Variants in MAGT1 observed in about 807,000 individuals in gnomAD.
MAGT1 encodes the protein magnesium transporter 1.
MAGT1 carries 4 observed loss-of-function variants against 28.4 expected under a neutral mutation model. The ratio of observed to expected loss-of-function variants is 0.14; its 90% CI spans 0.07 to 0.32. The LOEUF (loss-of-function observed/expected upper bound fraction) is 0.32. Ranked by LOEUF, MAGT1 falls within the 10% of genes least tolerant of loss-of-function variation. The probability of loss-of-function intolerance (pLI) is 1.00; values close to 1 mark genes in which losing one functional copy is unlikely to be tolerated. For synonymous variants in MAGT1, 89 were observed against 89.7 expected, an observed-to-expected ratio of 0.99 and a Z score of 0.04; for missense variants, 193 against 264.5, an observed-to-expected ratio of 0.73 and a Z score of 1.88.
Position 77,853,912 on chromosome X carries a change from A to G in MAGT1, c.815T>C (p.Val272Ala). 8.3e-7 allele frequency: 1 copy of G among 1,204,922 alleles called. No individual in the cohort carries two copies. Among genetic ancestry groups the G allele is most frequent in the Non-Finnish European group, 1.1e-6 (1 of 889,051 alleles). ...TTGTAAAAGGATACTAAACAGAAGA[A>G]CAATGTGTGTTTCAGCTACAAACTG... is the stretch of plus-strand genomic sequence containing the variant. Reference protein sequence around the residue: ...QAQFVAETHIVLLFNGGVTLG... With the variant: ...QAQFVAETHIALLFNGGVTLG... The change falls in exon 7 of 10, where the codon GTT (valine) becomes GCT (alanine). Residue 272 changes from valine (V) to alanine (A), a missense_variant. Val to Ala is a moderately conservative substitution (Grantham distance 64, BLOSUM62 0). Coordinates refer to ENST00000618282, the MANE Select transcript of MAGT1 (RefSeq NM_001367916.1).
intron 2 of MAGT1, among the ~76,000 whole-genome samples, chrX:77,873,934 G>A (rs1557217525): frequency 9.1e-6 from 1 of 109,952 alleles, no homozygotes; most frequent in African/African-American, 3.3e-5. Context: ...ATTCTACTCT[G>A]CTTCTAGGAG....
At position 77,826,777 on chromosome X, in the gene MAGT1, C is replaced by G. The variant is rs1557212955; in HGVS notation, c.*2443G>C. 1 of 112,081 alleles carries G rather than the reference C, an allele frequency of 8.9e-6. No individual in the cohort carries two copies. The highest frequency in any genetic ancestry group is 3.7e-4 in the South Asian group (1 of 2,734). The allele number at this position is 112,081 out of a possible 1,213,427, so 9.2% of individuals were successfully genotyped here. A position where few individuals can be genotyped will look rare whatever the true frequency, so the allele number is the denominator to read the frequency against. On this transcript the variant is annotated 3_prime_UTR_variant, in exon 10 of 10. Transcript: ENST00000618282. ...CTGTACAAATCAGGGCATCTTCATA[C>G]AAGTCTCATAAGAACCACAGCATAG...
At chrX:77,874,390 G>A (rs1291836530) in intron 2 of MAGT1, among the ~76,000 whole-genome samples, 1 of 106,997 alleles carries the variant, frequency 9.3e-6, no homozygotes, top group Non-Finnish European at 1.9e-5. Context: ...GATGTCAAAA[G>A]ATCGAGTCCA....
intron 5 of MAGT1, chrX:77,856,468 GAAC>G: frequency 3.8e-6 from 1 of 266,425 alleles, no homozygotes. Context: ...AATATTTTCA[GAAC>G]AACTAGAGAT....
rs1222026237 is a variant in MAGT1 at position 77,876,132 on chromosome X, TTATATATATATA to T, written c.103-547_103-536del. On this transcript the variant is annotated intron_variant, in intron 1 of 9. Transcript: ENST00000618282. Reference sequence around the variant, plus strand: ...AGGCATGAGCCACCACACCTGGCCTTTATATATATATATATATATATATATATATATATTTTT... The same window carrying T: ...AGGCATGAGCCACCACACCTGGCCTTTATATATATATATATATATATTTTT... 3.8e-3 allele frequency among the ~76,000 whole-genome samples: 129 copies of T among 34,049 alleles called. 2 individuals carry two copies. Among genetic ancestry groups the T allele is most frequent in the African/African-American group, 7.6e-3 (48 of 6,345 alleles). The allele number at this position is 34,049 out of a possible 115,157, so 29.6% of individuals were successfully genotyped here.
chrX:77,886,187 A>T (rs782740383), intron 1 of MAGT1, among the ~76,000 whole-genome samples: 27 of 111,890 alleles, frequency 2.4e-4, no homozygotes, highest in Non-Finnish European at 4.1e-4. Flanking sequence ...ATGTATTCAA[A>T]AATCTTTAAA....
chrX:77,871,018 A>G, intron 2 of MAGT1, 93 bp from the exon 3 acceptor site: 1 of 619,947 alleles, frequency 1.6e-6, no homozygotes, highest in Admixed American at 2.2e-5. Context: ...AGCAAGCAAT[A>G]GCAGGTTTTC....
intron 7 of MAGT1, among the ~76,000 whole-genome samples, chrX:77,846,261 C>T (rs782083329): frequency 1.1e-4 from 12 of 111,948 alleles, no homozygotes; most frequent in Non-Finnish European, 2.3e-4. Flanking sequence ...ACGTAGCTCT[C>T]GTGCCGTGGT....
intron 3 of MAGT1, among the ~76,000 whole-genome samples, chrX:77,865,199 A>G (rs985450078): frequency 8.9e-6 from 1 of 112,249 alleles, no homozygotes; most frequent in Non-Finnish European, 1.9e-5. Flanking sequence ...ATTTTTTTCA[A>G]CATTTACCGA....
At chrX:77,891,622 C>T (rs782740996) in intron 1 of MAGT1, among the ~76,000 whole-genome samples, 3 of 111,598 alleles carry the variant, frequency 2.7e-5, no homozygotes, top group Non-Finnish European at 5.6e-5. Flanking sequence ...ATGTAGAATG[C>T]ATTCGATAAA....
At chrX:77,860,449 G>A (rs782197925) in intron 3 of MAGT1, among the ~76,000 whole-genome samples, 1 of 111,870 alleles carries the variant, frequency 8.9e-6, no homozygotes, top group South Asian at 3.7e-4. Flanking sequence ...TGTGAAATGG[G>A]AGGAATTATC....
intron 1 of MAGT1, among the ~76,000 whole-genome samples, chrX:77,880,403 C>A (rs1438979542): frequency 9.2e-6 from 1 of 108,339 alleles, no homozygotes; most frequent in African/African-American, 3.4e-5. Flanking sequence ...ATGGCGGGTG[C>A]CTGTAATCCC....
intron 8 of MAGT1, chrX:77,837,271 TGGA>T (rs2076921532): frequency 9.0e-6 from 1 of 111,337 alleles, no homozygotes; most frequent in South Asian, 3.8e-4. Context: ...ATATACTGAC[TGGA>T]TTAAAAACTA....
intron 8 of MAGT1, among the ~76,000 whole-genome samples, chrX:77,835,820 T>C (rs1227670501): frequency 6.3e-5 from 7 of 111,194 alleles, no homozygotes; most frequent in Non-Finnish European, 1.3e-4. Flanking sequence ...ATTATTATTG[T>C]TGAGATGGAG....
In MAGT1 at chrX:77,895,401, G is replaced by A. The variant is rs782261030; in HGVS notation, c.10C>T (p.Arg4Cys). 7.4e-6 allele frequency: 9 copies of A among 1,210,243 alleles called. No individual in the cohort carries two copies. The highest frequency in any genetic ancestry group is 1.0e-5 in the Non-Finnish European group (9 of 895,190). The change falls in exon 1 of 10, where the codon CGT (arginine) becomes TGT (cysteine). Residue 4 changes from arginine to cysteine, a missense_variant. By Grantham distance (180) the Arg-to-Cys change is radical. Transcript: ENST00000618282. MAA[R>C]WRFWCVSVTM... ...ACAGAGACACACCAAAACCGCCAAC[G>A]CGCTGCCATGTTCGCTCCTCTCCCT...
Position 77,845,256 on chromosome X carries a change from A to G in MAGT1, c.827-3936T>C, listed in dbSNP as rs1603360301. Among the ~76,000 whole-genome samples the G allele has an allele frequency of 7.2e-5, 8 of 111,358 alleles. No homozygotes were observed. In the South Asian group the frequency reaches 3.1e-3, roughly 43 times the overall value. On this transcript the variant is annotated intron_variant, in intron 7 of 9. Coordinates refer to ENST00000618282, the MANE Select transcript of MAGT1 (RefSeq NM_001367916.1). Reference sequence around the variant, plus strand: ...TTTAAAGTCTGTTTTATCAGAGACTAGGATTGCAACCCCTGCCTTTGTTTT... The same window carrying G: ...TTTAAAGTCTGTTTTATCAGAGACTGGGATTGCAACCCCTGCCTTTGTTTT...
At chrX:77,849,001 A>G (rs1189076474) in intron 7 of MAGT1, among the ~76,000 whole-genome samples, 1 of 109,990 alleles carries the variant, frequency 9.1e-6, no homozygotes, top group Non-Finnish European at 1.9e-5. Flanking sequence ...GCAACACAAG[A>G]TTTCATCTCT....
chrX:77,859,140 G>A (rs1269504779), intron 3 of MAGT1, among the ~76,000 whole-genome samples: 8 of 111,137 alleles, frequency 7.2e-5, no homozygotes, highest in African/African-American at 2.3e-4. Context: ...CCCGGGAGGC[G>A]GAGGTTGCAG....
intron 7 of MAGT1, among the ~76,000 whole-genome samples, chrX:77,842,731 GC>G (rs1173004990): frequency 9.0e-6 from 1 of 110,679 alleles, no homozygotes; most frequent in African/African-American, 3.3e-5. Context: ...GGAGGCTGAG[GC>G]AGGATAATCA....
Sources: allele counts gnomAD v4.1 joint callset (sites outside exome capture counted in the v4.1 genomes callset), GRCh38; gene constraint gnomAD v4.1.1; transcripts MANE v1.5; gene names NCBI Gene and HGNC (gene_info 2026-07-23, HGNC 2026-07-21).